The following GRID1 variants were observed in gnomAD, a reference collection of about 807,000 sequenced individuals.
The protein encoded by GRID1 is glutamate ionotropic receptor delta type subunit 1.
GRID1 carries 28 observed loss-of-function variants against 98.0 expected under a neutral mutation model. The observed-to-expected ratio is 0.29, with a 90% confidence interval of 0.21 to 0.39. The LOEUF is 0.39. Ranked by LOEUF, GRID1 falls within the 10% of genes least tolerant of loss-of-function variation. The pLI, the probability that GRID1 is intolerant of heterozygous loss-of-function variation, is 1.00. For synonymous variants in GRID1, 553 were observed against 538.5 expected (o/e 1.03, Z -0.37); for missense variants, 1,111 against 1,340.5 (o/e 0.83, Z 2.67).
chr10:85,638,674 T>C (rs1843078018), intron 13 of GRID1, among the ~76,000 whole-genome samples: 1 of 152,178 alleles, frequency 6.6e-6, no homozygotes, highest in Non-Finnish European at 1.5e-5. Context: ...ATATTTATAG[T>C]ACTTATATTT....
chr10:86,092,644 C>T (rs1844166171), intron 4 of GRID1, among the ~76,000 whole-genome samples: 1 of 152,160 alleles, frequency 6.6e-6, no homozygotes, highest in African/African-American at 2.4e-5. Flanking sequence ...CAAGGAGGGA[C>T]AGTGTATAAT....
chr10:85,784,703 G>A (rs945991694), intron 8 of GRID1, among the ~76,000 whole-genome samples: 1 of 152,190 alleles, frequency 6.6e-6, no homozygotes, highest in African/African-American at 2.4e-5. Flanking sequence ...TTAAGCTGAT[G>A]GAGTCCAGAA....
chr10:85,903,873 C>T (rs901711181), intron 5 of GRID1, among the ~76,000 whole-genome samples: 2 of 152,214 alleles, frequency 1.3e-5, no homozygotes, highest in Non-Finnish European at 2.9e-5. Context: ...TTCCTCACTT[C>T]TTCAAGTCCC....
At chr10:85,771,809 C>G (rs1292372613) in intron 8 of GRID1, among the ~76,000 whole-genome samples, 6 of 152,174 alleles carry the variant, frequency 3.9e-5, no homozygotes, top group Admixed American at 1.3e-4. Flanking sequence ...CAGGAGTACC[C>G]AGATTCATAA....
chr10:85,914,904 G>C (rs1245468214), intron 5 of GRID1, among the ~76,000 whole-genome samples: 1 of 152,164 alleles, frequency 6.6e-6, no homozygotes, highest in Non-Finnish European at 1.5e-5. Context: ...ATAGTGCACT[G>C]AGGTCACACA....
intron 5 of GRID1, among the ~76,000 whole-genome samples, chr10:85,904,401 C>A (rs777836849): frequency 2.0e-5 from 3 of 152,000 alleles, no homozygotes; most frequent in Non-Finnish European, 4.4e-5. Context: ...CATGCAGAAC[C>A]CAGTGGACTC....
At chr10:86,237,765 G>A (rs1039359094) in intron 2 of GRID1, among the ~76,000 whole-genome samples, 3 of 150,160 alleles carry the variant, frequency 2.0e-5, no homozygotes, top group Non-Finnish European at 3.0e-5. Context: ...TGCCATGTAA[G>A]ACATGCCTGC....
At chr10:86,226,817 C>T (rs1213915889) in intron 2 of GRID1, among the ~76,000 whole-genome samples, 2 of 151,028 alleles carry the variant, frequency 1.3e-5, no homozygotes, top group Non-Finnish European at 3.0e-5. Flanking sequence ...CCTAAACCAG[C>T]TGGCGGTCCT....
chr10:86,096,675 A>T (rs1227775994), intron 4 of GRID1, among the ~76,000 whole-genome samples: 1 of 152,212 alleles, frequency 6.6e-6, no homozygotes. Flanking sequence ...ATGCTAATGG[A>T]ATTCACTGGT....
intron 8 of GRID1, among the ~76,000 whole-genome samples, chr10:85,818,367 AATAGAG>A (rs1041453741): frequency 6.8e-6 from 1 of 146,338 alleles, no homozygotes; most frequent in African/African-American, 2.5e-5. Context: ...GACAGACAGA[AATAGAG>A]ATGTGTGTGC....
At chr10:85,839,738 C>CA (rs1308163543) in intron 8 of GRID1, among the ~76,000 whole-genome samples, 1 of 151,708 alleles carries the variant, frequency 6.6e-6, no homozygotes, top group Non-Finnish European at 1.5e-5. Flanking sequence ...AAACAGATCT[C>CA]AAAGCTAGCA....
intron 8 of GRID1, among the ~76,000 whole-genome samples, chr10:85,730,875 A>C (rs951845986): frequency 6.6e-6 from 1 of 152,178 alleles, no homozygotes; most frequent in Admixed American, 6.5e-5. Context: ...TGCTGCTGCT[A>C]ATCCATGGAC....
chr10:86,226,356 T>C (rs1304617161), intron 2 of GRID1, among the ~76,000 whole-genome samples: 20 of 9,284 alleles, frequency 2.2e-3, no homozygotes, highest in African/African-American at 5.4e-3. Flanking sequence ...CACCCCAGCA[T>C]ACCCTCCCAC....
At chr10:86,327,181 C>T (rs12262612) in intron 2 of GRID1, among the ~76,000 whole-genome samples, 1 of 151,930 alleles carries the variant, frequency 6.6e-6, no homozygotes, top group Admixed American at 6.6e-5. Flanking sequence ...AGTCATCCTG[C>T]GAAAATGAAC....
intron 5 of GRID1, among the ~76,000 whole-genome samples, chr10:85,914,935 T>A (rs930663184): frequency 4.6e-5 from 7 of 152,270 alleles, no homozygotes; most frequent in African/African-American, 1.4e-4. Flanking sequence ...GTAGTGCTCC[T>A]CAAAGGATAT....
At chr10:85,813,207 A>T (rs1842688371) in intron 8 of GRID1, among the ~76,000 whole-genome samples, 1 of 151,424 alleles carries the variant, frequency 6.6e-6, no homozygotes, top group African/African-American at 2.4e-5. Flanking sequence ...AAATTTGATA[A>T]AATATATATA....
chr10:85,814,714 CTACTA>C (rs1307794918), intron 8 of GRID1, among the ~76,000 whole-genome samples: 2 of 151,908 alleles, frequency 1.3e-5, no homozygotes, highest in African/African-American at 4.8e-5. Flanking sequence ...AACATACAAA[CTACTA>C]TAAACTACTT....
intron 12 of GRID1, among the ~76,000 whole-genome samples, chr10:85,692,839 G>A (rs1468241504): frequency 6.6e-6 from 1 of 152,146 alleles, no homozygotes; most frequent in Admixed American, 6.6e-5. Context: ...ACAAGCTACA[G>A]GAAGTAACTG....
At chr10:86,319,724 A>C in intron 2 of GRID1, among the ~76,000 whole-genome samples, 1 of 152,238 alleles carries the variant, frequency 6.6e-6, no homozygotes, top group Non-Finnish European at 1.5e-5. Context: ...GTGTCTGCAG[A>C]AGTTGCTGAC....
Sources: allele counts gnomAD v4.1 joint callset (sites outside exome capture counted in the v4.1 genomes callset), GRCh38; gene constraint gnomAD v4.1.1; transcripts MANE v1.5; gene names NCBI Gene and HGNC (gene_info 2026-07-23, HGNC 2026-07-21).